Variants in ELP1 observed in about 807,000 individuals in gnomAD.
ELP1 encodes elongator complex protein 1.
ELP1 carries 131 observed loss-of-function variants against 183.2 expected under a neutral mutation model. The observed-to-expected ratio is 0.72, with a 90% CI of 0.62 to 0.83. ELP1 has a LOEUF of 0.83. ELP1 is among the 40% of genes least tolerant of loss of function. The pLI, the probability that ELP1 is intolerant of heterozygous loss-of-function variation, is 0.00. For missense variants in ELP1, 1,550 were observed against 1,594.9 expected (o/e 0.97, Z 0.48); for synonymous variants, 555 against 569.0 (o/e 0.98, Z 0.35).
chr9:108,889,205 T>C, intron 29 of ELP1, 127 bp downstream of exon 29: 1 of 911,514 alleles, frequency 1.1e-6, no homozygotes. Flanking sequence ...ATAAGACCTC[T>C]GGGGCAAACA....
intron 18 of ELP1, among the ~76,000 whole-genome samples, chr9:108,900,907 C>T (rs563111808): frequency 5.2e-5 from 3 of 58,028 alleles, no homozygotes; most frequent in Non-Finnish European, 1.0e-4. Context: ...CACACATACA[C>T]GCCACACACA....
chr9:108,911,094 G>T lies in ELP1; in HGVS notation c.1276C>A (p.Gln426Lys), dbSNP rs1179256882. 1 of 1,613,934 alleles carries T rather than the reference G, an allele frequency of 6.2e-7. No homozygotes were observed. The highest frequency in any genetic ancestry group is 8.5e-7 in the Non-Finnish European group (1 of 1,179,926). Residue 426 changes from glutamine (Q) to lysine (K), a missense_variant, in exon 12 of 37, where the codon CAA becomes AAA. By Grantham distance (53) the Gln-to-Lys change is moderately conservative. Transcript: ENST00000374647. ...YQLLFPHPVN[Q>K]VTFLAHPQKS... Reference sequence around the variant, plus strand: ...TGAGGGTGTGCTAAGAATGTGACTTGATTCACAGGGTGTGGGAACAGCAGT... The same window carrying T: ...TGAGGGTGTGCTAAGAATGTGACTTTATTCACAGGGTGTGGGAACAGCAGT...
At chr9:108,924,319 C>A (rs1041487383) in intron 5 of ELP1, among the ~76,000 whole-genome samples, 1 of 152,126 alleles carries the variant, frequency 6.6e-6, no homozygotes, top group African/African-American at 2.4e-5. Context: ...ATATTCATGA[C>A]CTAGCCCTTT....
intron 13 of ELP1, among the ~76,000 whole-genome samples, chr9:108,907,205 T>C (rs1000251772): frequency 6.6e-6 from 1 of 152,142 alleles, no homozygotes; most frequent in African/African-American, 2.4e-5. Context: ...TTCCCAATTC[T>C]TTGCCAACCC....
intron 25 of ELP1, among the ~76,000 whole-genome samples, chr9:108,895,611 C>T (rs1007491640): frequency 1.3e-5 from 2 of 152,100 alleles, no homozygotes; most frequent in Non-Finnish European, 2.9e-5. Flanking sequence ...GGTTTTTAAG[C>T]AGTATTATGG....
rs999312895 is a variant in ELP1, at chr9:108,917,544, T to C, written c.864+3A>G. 9 of 1,613,940 alleles carry C rather than the reference T, an allele frequency of 5.6e-6. No homozygotes were observed. The East Asian group carries it at 1.8e-4, about 32-fold the overall frequency. ...CGAGGGTGAAACAAACTCAGGCACT[T>C]ACCTTAACCTCATCTTTAAGGAAGG... On this transcript the variant is annotated splice_donor_region_variant and intron_variant, in intron 9 of 36. Transcript: ENST00000374647.
rs1382056599 is a variant in ELP1 at position 108,891,418 on chromosome 9, A to G, written c.2959-14T>C. On this transcript the variant is annotated splice_polypyrimidine_tract_variant and intron_variant, in intron 27 of 36. Coordinates refer to ENST00000374647, the MANE Select transcript of ELP1 (RefSeq NM_003640.5). ...AATGCTGATATCCTGTGACAAGAGG[A>G]GATTTAGGACTGAGGAGGAAATATG... The G allele has an allele frequency of 6.2e-7, 1 of 1,611,068 alleles. No homozygotes were observed. The highest frequency in any genetic ancestry group is 8.5e-7 in the Non-Finnish European group (1 of 1,178,322).
chr9:108,910,903 A>G, intron 12 of ELP1, 107 bp downstream of exon 12: 4 of 976,554 alleles, frequency 4.1e-6, no homozygotes, highest in Non-Finnish European at 6.5e-6. Flanking sequence ...AGACTTAAAA[A>G]TTTTGAGAAA....
chr9:108,889,446 T>C (rs1828242614), intron 28 of ELP1, 53 bp from the exon 29 acceptor site: 2 of 1,492,334 alleles, frequency 1.3e-6, no homozygotes, highest in African/African-American at 1.4e-5. Context: ...ATACTTTAGC[T>C]CAAGTGCTTC....
chr9:108,926,903 A>T (rs1355529146), intron 4 of ELP1, among the ~76,000 whole-genome samples: 3 of 152,192 alleles, frequency 2.0e-5, no homozygotes, highest in Non-Finnish European at 4.4e-5. Context: ...TCTAAATATA[A>T]ATGTCATCAG....
chr9:108,904,603 A>C (rs1475708552), intron 14 of ELP1, among the ~76,000 whole-genome samples: 1 of 152,190 alleles, frequency 6.6e-6, no homozygotes. Context: ...TCAAGAAGAG[A>C]ACAAACTCTG....
At chr9:108,886,987 T>C (rs1587880237) in intron 29 of ELP1, among the ~76,000 whole-genome samples, 3 of 151,072 alleles carry the variant, frequency 2.0e-5, no homozygotes, top group African/African-American at 4.9e-5. Flanking sequence ...GACAGGCGAA[T>C]TGCTTGAATC....
At chr9:108,907,820 C>A (rs838826) in intron 13 of ELP1, among the ~76,000 whole-genome samples, 37,079 of 152,048 alleles carry the variant, frequency 0.24, 4,743 homozygotes, top group South Asian at 0.4. Context: ...CTGAGGTATT[C>A]AATAACATCC....
chr9:108,881,201 T>G (rs11791214), intron 31 of ELP1, among the ~76,000 whole-genome samples: 12,973 of 152,274 alleles, frequency 0.085, 789 homozygotes, highest in Non-Finnish European at 0.12. Flanking sequence ...ACCCTTTACT[T>G]TGATTTACCA....
intron 25 of ELP1, among the ~76,000 whole-genome samples, chr9:108,895,326 C>T (rs1243813235): frequency 2.0e-5 from 3 of 152,160 alleles, no homozygotes; most frequent in African/African-American, 7.2e-5. Flanking sequence ...AGGGTCACCT[C>T]ACCCAGTCCC....
chr9:108,897,371 A>T, intron 22 of ELP1, 86 bp from the exon 23 acceptor site: 1 of 1,396,414 alleles, frequency 7.2e-7, no homozygotes, highest in Non-Finnish European at 1.0e-6. Context: ...CATGCTGATG[A>T]TGATAAATAA....
At chr9:108,884,951 T>C (rs1027613476) in intron 29 of ELP1, among the ~76,000 whole-genome samples, 2 of 151,900 alleles carry the variant, frequency 1.3e-5, no homozygotes, top group Non-Finnish European at 2.9e-5. Flanking sequence ...CATGGTGGCA[T>C]GCACCTGTAA....
intron 5 of ELP1, among the ~76,000 whole-genome samples, chr9:108,926,109 G>A (rs1829817014): frequency 6.6e-6 from 1 of 152,148 alleles, no homozygotes; most frequent in Non-Finnish European, 1.5e-5. Flanking sequence ...AGATGACCTT[G>A]GCTAGATTTT....
Position 108,897,025 on chromosome 9 carries a change from T to C in ELP1, c.2515A>G (p.Ile839Val), listed in dbSNP as rs779097269. Residue 839 changes from isoleucine (I) to valine (V), a missense_variant, in exon 24 of 37, where the codon ATA (isoleucine) becomes GTA (valine). Ile to Val is a conservative substitution (Grantham distance 29). Transcript: ENST00000374647. ...SINPHKYCLSILTSHVKKTTP... is the reference protein window; with the variant it reads ...SINPHKYCLSVLTSHVKKTTP... ...GTCTTCTTTACATGAGATGTAAGTA[T>C]GGATAGGCAGTATCTGAGGTAATAA... 4 of 1,614,030 alleles carry C rather than the reference T, an allele frequency of 2.5e-6. No homozygotes were observed. The highest frequency in any genetic ancestry group is 3.4e-6 in the Non-Finnish European group (4 of 1,179,898).
Sources: gnomAD v4.1 joint callset for allele counts (sites outside exome capture counted in the v4.1 genomes callset) on GRCh38, gnomAD v4.1.1 for gene constraint, MANE v1.5 for transcripts, NCBI Gene and HGNC (gene_info 2026-07-23, HGNC 2026-07-21) for gene names.